RUNX1: variants seen among roughly 807,000 people sequenced by gnomAD.
RUNX1 encodes the protein runt-related transcription factor 1.
In RUNX1, 19 loss-of-function variants were observed where a neutral mutation model predicts 42.8. That is an observed-to-expected ratio of 0.44 (90% CI 0.31 to 0.65). The LOEUF (loss-of-function observed/expected upper bound fraction) is 0.65. Among genes scored for constraint, RUNX1 ranks in the 30% least tolerant of loss-of-function variants. The pLI is 0.07. For missense variants in RUNX1, 528 were observed against 672.0 expected, an observed-to-expected ratio of 0.79 and a Z score of 2.37; for synonymous variants, 271 against 289.4, an observed-to-expected ratio of 0.94 and a Z score of 0.64.
chr21:34,807,351 A>T (rs1192648636), intron 7 of RUNX1, among the ~76,000 whole-genome samples: 2 of 152,028 alleles, frequency 1.3e-5, no homozygotes, highest in African/African-American at 4.8e-5. Flanking sequence ...GGCACCCTTC[A>T]TCCTGGGCTT....
In RUNX1 at chr21:34,826,996, A is replaced by AG. The variant is rs377599434; in HGVS notation, c.805+7413dup. Among the ~76,000 whole-genome samples the AG allele has an allele frequency of 1.8e-4, 27 of 152,350 alleles. No homozygotes were observed. In the East Asian group the frequency reaches 5.0e-3, roughly 28 times the overall value. ...GGTGAGGGCTCTGAAAGAAGACCTT[A>AG]GAACTAGGGGAAGTCTAAATCTTCG... On this transcript the variant is annotated intron_variant, in intron 7 of 8. Coordinates refer to ENST00000675419, the MANE Select transcript of RUNX1 (RefSeq NM_001754.5).
intron 2 of RUNX1, among the ~76,000 whole-genome samples, chr21:34,895,757 G>T (rs571634271): frequency 6.6e-6 from 1 of 152,068 alleles, no homozygotes; most frequent in Non-Finnish European, 1.5e-5. Context: ...ATACATAGAC[G>T]TAGATAGGTC....
Position 34,987,123 on chromosome 21 carries a change from G to C in RUNX1, c.58+61719C>G, listed in dbSNP as rs190114353. On this transcript the variant is annotated intron_variant, in intron 2 of 8. Transcript: ENST00000675419. Reference sequence around the variant, plus strand: ...TTTGTTACTTTGAACTTCAATCAATGGCTGAAAGAGGAACGTTGTTTTGAC... The same window carrying C: ...TTTGTTACTTTGAACTTCAATCAATCGCTGAAAGAGGAACGTTGTTTTGAC... Among the ~76,000 whole-genome samples the C allele has an allele frequency of 5.9e-5, 9 of 152,330 alleles. No homozygotes were observed. In the East Asian group the frequency reaches 1.7e-3, roughly 29 times the overall value.
intron 2 of RUNX1, among the ~76,000 whole-genome samples, chr21:35,016,020 G>A (rs1407439544): frequency 6.6e-6 from 1 of 152,210 alleles, no homozygotes; most frequent in Non-Finnish European, 1.5e-5. Context: ...CTTGATACAT[G>A]TTATTTTAGG....
chr21:34,928,938 A>G (rs567818793), intron 2 of RUNX1, among the ~76,000 whole-genome samples: 1 of 129,336 alleles, frequency 7.7e-6, no homozygotes, highest in African/African-American at 2.9e-5. Context: ...GAGTATTGCA[A>G]GCTTATTTCT....
intron 2 of RUNX1, among the ~76,000 whole-genome samples, chr21:34,935,952 C>T (rs1022754096): frequency 6.6e-6 from 1 of 152,210 alleles, no homozygotes; most frequent in Non-Finnish European, 1.5e-5. Context: ...GTATACACAA[C>T]AGTACATCTG....
chr21:34,862,896 T>C (rs891505084), intron 5 of RUNX1, among the ~76,000 whole-genome samples: 1 of 152,224 alleles, frequency 6.6e-6, no homozygotes, highest in Admixed American at 6.5e-5. Context: ...TGTTTTACCC[T>C]CTGGAACAGT....
intron 2 of RUNX1, among the ~76,000 whole-genome samples, chr21:34,990,120 G>A (rs942667275): frequency 6.6e-6 from 1 of 152,158 alleles, no homozygotes; most frequent in African/African-American, 2.4e-5. Flanking sequence ...TCTCTGTGCT[G>A]CTGCACTGAG....
rs1015706581 is a variant in RUNX1 at position 34,831,065 on chromosome 21, A to G, written c.805+3345T>C. On this transcript the variant is annotated intron_variant, in intron 7 of 8. Coordinates refer to ENST00000675419, the MANE Select transcript of RUNX1 (RefSeq NM_001754.5). ...CTCTAGGTGGGAGTTGTGACTGAAC[A>G]GGCATCGGTACCACTAGCTCTAGAA... Among the ~76,000 whole-genome samples the G allele has an allele frequency of 3.3e-5, 5 of 152,172 alleles. No homozygotes were observed. The East Asian group carries it at 7.7e-4, about 23-fold the overall frequency.
rs2058231759 is a variant in RUNX1, at chr21:34,907,450, A to G, written c.59-14487T>C. Among the ~76,000 whole-genome samples, 1 of 151,820 alleles carries G rather than the reference A, an allele frequency of 6.6e-6. No homozygotes were observed. The highest frequency in any genetic ancestry group is 2.4e-5 in the African/African-American group (1 of 41,132). Reference sequence around the variant, plus strand: ...AGTAAGGGTGAATACTGCTTCCTGAAGCTCTTTTTTTGATTGATGTATCTC... The same window carrying G: ...AGTAAGGGTGAATACTGCTTCCTGAGGCTCTTTTTTTGATTGATGTATCTC... On this transcript the variant is annotated intron_variant, in intron 2 of 8. Transcript: ENST00000675419. This position sits in a 1 kb window ranked among gnomAD's most constrained non-coding sequence, Gnocchi z 5.3.
chr21:34,957,901 T>C (rs763175503), intron 2 of RUNX1, among the ~76,000 whole-genome samples: 8 of 152,148 alleles, frequency 5.3e-5, no homozygotes, highest in Non-Finnish European at 8.8e-5. Context: ...TGGGGCAGGA[T>C]GTCTGTCCCA....
chr21:34,897,841 T>G (rs1400124810), intron 2 of RUNX1, among the ~76,000 whole-genome samples: 1 of 152,216 alleles, frequency 6.6e-6, no homozygotes, highest in Admixed American at 6.5e-5. Context: ...TGATGAGTTG[T>G]CATGCTCTGG....
intron 2 of RUNX1, among the ~76,000 whole-genome samples, chr21:35,040,009 G>C (rs1568807934): frequency 6.6e-6 from 1 of 152,194 alleles, no homozygotes; most frequent in Non-Finnish European, 1.5e-5. Context: ...TGGGATAAGA[G>C]AGAACACTCC....
chr21:34,932,639 A>G (rs943792098), intron 2 of RUNX1, among the ~76,000 whole-genome samples: 1 of 152,174 alleles, frequency 6.6e-6, no homozygotes, highest in Non-Finnish European at 1.5e-5. Context: ...ATTGGGGACA[A>G]TATTATACCC....
In RUNX1 at chr21:34,792,569, G is replaced by A; in HGVS notation, c.1009C>T (p.Pro337Ser). 1 of 1,606,090 alleles carries A rather than the reference G, an allele frequency of 6.2e-7. No homozygotes were observed. Residue 337 changes from proline to serine, a missense_variant, in exon 9 of 9, where the codon CCC becomes TCC. By Grantham distance (74) the Pro-to-Ser change is moderately conservative (BLOSUM62 -1). Transcript: ENST00000675419. This position sits in a 1 kb window ranked among gnomAD's most constrained non-coding sequence, Gnocchi z 6.9. The stretch of plus-strand genomic sequence containing the variant: ...GGGTCGGAGATGGAGGGCAGCGCGG[G>A]GAACTGGCGCGGGTCGCTGAACGCT... The part of the protein sequence containing the change: ...LTAFSDPRQF[P>S]ALPSISDPRM...
intron 2 of RUNX1, among the ~76,000 whole-genome samples, chr21:34,982,375 G>T (rs1308158114): frequency 1.4e-5 from 2 of 141,958 alleles, no homozygotes; most frequent in Non-Finnish European, 3.0e-5. Context: ...TTAGTCCAAG[G>T]CTCAATTATG....
At position 34,789,602 on chromosome 21, in the gene RUNX1, A is replaced by G. The variant is rs1172887813; in HGVS notation, c.*2533T>C. ...CAATTTTTCACACACACACACACAC[A>G]CGCACACACACACACATACAAAAAT... On this transcript the variant is annotated 3_prime_UTR_variant, in exon 9 of 9. Coordinates refer to ENST00000675419, the MANE Select transcript of RUNX1 (RefSeq NM_001754.5). 10 of 231,606 alleles carry G rather than the reference A, an allele frequency of 4.3e-5. No individual in the cohort carries two copies. The highest frequency in any genetic ancestry group is 1.6e-4 in the African/African-American group (7 of 43,644). 14.3% of individuals were successfully genotyped at this position (231,606 alleles called of 1,614,324 possible).
In RUNX1 at chr21:34,901,252, C is replaced by T. The variant is rs1330214288; in HGVS notation, c.59-8289G>A. On this transcript the variant is annotated intron_variant, in intron 2 of 8. Coordinates refer to ENST00000675419, the MANE Select transcript of RUNX1 (RefSeq NM_001754.5). The surrounding 1 kb of genome is among the most constrained non-coding windows in gnomAD (Gnocchi z 4.3). Reference sequence around the variant, plus strand: ...TCTGGCTGGTCACGGTGGGTCACGCCTGTAATCCCAGCACTTTGGGAGGCA... The same window carrying T: ...TCTGGCTGGTCACGGTGGGTCACGCTTGTAATCCCAGCACTTTGGGAGGCA... 6.6e-6 allele frequency among the ~76,000 whole-genome samples: 1 copy of T among 151,998 alleles called. No homozygotes were observed. Among genetic ancestry groups the T allele is most frequent in the Non-Finnish European group, 1.5e-5 (1 of 68,012 alleles).
chr21:34,796,281 C>G (rs773425344), intron 8 of RUNX1, among the ~76,000 whole-genome samples: 20 of 152,246 alleles, frequency 1.3e-4, no homozygotes, highest in Non-Finnish European at 2.5e-4. Flanking sequence ...TTTGGTCAAA[C>G]TATCTTTTTT....
Sources: allele counts gnomAD v4.1 joint callset (sites outside exome capture counted in the v4.1 genomes callset), GRCh38; gene constraint gnomAD v4.1.1; non-coding constraint Gnocchi (gnomAD v3.1); transcripts MANE v1.5; gene names NCBI Gene and HGNC (gene_info 2026-07-23, HGNC 2026-07-21).